SERGEF: variants seen among roughly 807,000 people sequenced by gnomAD.
SERGEF encodes the protein secretion-regulating guanine nucleotide exchange factor.
A neutral mutation model predicts 50.0 loss-of-function variants in SERGEF; 51 were observed. That is an observed-to-expected ratio of 1.02 (90% CI 0.81 to 1.29). The LOEUF is 1.29. Ranked by LOEUF, SERGEF falls within the 50% of genes most tolerant of loss-of-function variation. SERGEF has a pLI of 0.00. For missense variants in SERGEF, 521 were observed against 557.0 expected, an observed-to-expected ratio of 0.94 and a Z score of 0.65; for synonymous variants, 205 against 212.4, an observed-to-expected ratio of 0.97 and a Z score of 0.30.
intron 10 of SERGEF, among the ~76,000 whole-genome samples, chr11:17,805,222 C>T (rs1462455268): frequency 6.6e-6 from 1 of 152,218 alleles, no homozygotes; most frequent in Non-Finnish European, 1.5e-5. Context: ...CTGCCATTAA[C>T]TCAACACGTG....
At chr11:17,966,704 G>A (rs373150075) in intron 8 of SERGEF, among the ~76,000 whole-genome samples, 27 of 152,176 alleles carry the variant, frequency 1.8e-4, no homozygotes, top group East Asian at 3.9e-4. Flanking sequence ...TTCCAAAGTC[G>A]TATCATAAAC....
intron 10 of SERGEF, among the ~76,000 whole-genome samples, chr11:17,872,897 T>A (rs112564728): frequency 7.9e-5 from 12 of 152,178 alleles, no homozygotes; most frequent in African/African-American, 2.9e-4. Flanking sequence ...GAGTATAGTA[T>A]GCTACCATTT....
chr11:17,914,593 A>G (rs1852014113), intron 9 of SERGEF, among the ~76,000 whole-genome samples: 1 of 151,870 alleles, frequency 6.6e-6, no homozygotes, highest in Non-Finnish European at 1.5e-5. Flanking sequence ...TAAGTATTTT[A>G]TTTTATTTTA....
chr11:17,920,701 T>C (rs1325095180), intron 9 of SERGEF, among the ~76,000 whole-genome samples: 1 of 152,180 alleles, frequency 6.6e-6, no homozygotes, highest in African/African-American at 2.4e-5. Context: ...GGGAGGCCAG[T>C]GATGTGAGAT....
rs1176843826 is a variant in SERGEF, at chr11:17,870,190, T to G, written c.1048+8018A>C. On this transcript the variant is annotated intron_variant, in intron 10 of 10. Coordinates refer to ENST00000265965, the MANE Select transcript of SERGEF (RefSeq NM_012139.4). ...CCATGATTGTAAGTTTCCTGACGCCTCCCCAGCCACACTGAACTGTGAGTC... is the reference window on the plus strand; with the variant it reads ...CCATGATTGTAAGTTTCCTGACGCCGCCCCAGCCACACTGAACTGTGAGTC... 9.2e-5 allele frequency among the ~76,000 whole-genome samples: 14 copies of G among 152,284 alleles called. No individual in the cohort carries two copies. The East Asian group carries it at 2.7e-3, about 29-fold the overall frequency.
chr11:17,879,310 A>G (rs1406764007), intron 9 of SERGEF, among the ~76,000 whole-genome samples: 1 of 152,208 alleles, frequency 6.6e-6, no homozygotes, highest in Non-Finnish European at 1.5e-5. Flanking sequence ...ACTAATTAAG[A>G]GGAGCTCTAG....
chr11:17,916,553 A>C (rs1222799090), intron 9 of SERGEF, among the ~76,000 whole-genome samples: 2 of 152,242 alleles, frequency 1.3e-5, no homozygotes, highest in Non-Finnish European at 2.9e-5. Context: ...GGTGATTCTT[A>C]TGAATTGGTT....
In SERGEF at chr11:17,911,601, G is replaced by A. The variant is rs1049930117; in HGVS notation, c.1012-33357C>T. On this transcript the variant is annotated intron_variant, in intron 9 of 10. Transcript: ENST00000265965. ...CTCCCAGGCTCAAGTGATCCTCCCC[G>A]CTCAGCCTCCCAAGTAGTTGGGACT... 2.5e-4 allele frequency among the ~76,000 whole-genome samples: 38 copies of A among 151,416 alleles called. 1 individual carries two copies. The highest frequency in any genetic ancestry group is 1.3e-3 in the South Asian group (6 of 4,788).
intron 8 of SERGEF, among the ~76,000 whole-genome samples, chr11:17,973,788 G>A (rs1853305720): frequency 6.6e-6 from 1 of 152,224 alleles, no homozygotes; most frequent in Non-Finnish European, 1.5e-5. Flanking sequence ...GTGAAACTGA[G>A]CGGTGGACAT....
chr11:18,012,431 C>G (rs1306771087), intron 1 of SERGEF: 2 of 967,966 alleles, frequency 2.1e-6, no homozygotes, highest in South Asian at 7.6e-5. Flanking sequence ...ATGCAAGAAC[C>G]GGTCACAGCA....
chr11:17,804,997 T>G (rs1322045698), intron 10 of SERGEF, among the ~76,000 whole-genome samples: 1 of 152,250 alleles, frequency 6.6e-6, no homozygotes, highest in South Asian at 2.1e-4. Context: ...TGATCATATA[T>G]TACTTTCATA....
At chr11:17,942,621 T>G (rs951043897) in intron 9 of SERGEF, among the ~76,000 whole-genome samples, 1 of 152,164 alleles carries the variant, frequency 6.6e-6, no homozygotes, top group African/African-American at 2.4e-5. Flanking sequence ...TTTATGGCAC[T>G]GGCTAGAACC....
intron 10 of SERGEF, among the ~76,000 whole-genome samples, chr11:17,820,007 A>T (rs1850047885): frequency 6.7e-6 from 1 of 149,280 alleles, no homozygotes; most frequent in African/African-American, 2.5e-5. Flanking sequence ...TTGGCTAATT[A>T]AAAAAAAATT....
rs1036273759 is a variant in SERGEF, at chr11:17,888,683, T to C, written c.1012-10439A>G. ...CACACACACACACACACACACGCAT[T>C]GAGTTAAACCAACATGAAATTGCCC... On this transcript the variant is annotated intron_variant, in intron 9 of 10. Transcript: ENST00000265965. This position sits in a 1 kb window ranked among gnomAD's most constrained non-coding sequence, Gnocchi z 4.1. 7.1e-5 allele frequency among the ~76,000 whole-genome samples: 10 copies of C among 141,154 alleles called. No individual in the cohort carries two copies. Among genetic ancestry groups the C allele is most frequent in the Non-Finnish European group, 1.5e-4 (10 of 65,384 alleles). The allele number at this position is 141,154 out of a possible 152,430, so 92.6% of individuals were successfully genotyped here. A position where few individuals can be genotyped will look rare whatever the true frequency, so the allele number is the denominator to read the frequency against.
chr11:17,954,389 A>G (rs1306568068), intron 9 of SERGEF, among the ~76,000 whole-genome samples: 1 of 152,226 alleles, frequency 6.6e-6, no homozygotes, highest in Non-Finnish European at 1.5e-5. Flanking sequence ...TTCCAGGTTC[A>G]TTAATGGGTT....
chr11:17,860,355 T>C (rs1334475552), intron 10 of SERGEF, among the ~76,000 whole-genome samples: 3 of 152,088 alleles, frequency 2.0e-5, no homozygotes, highest in East Asian at 1.9e-4. Context: ...CTCATAATAA[T>C]AGACTAATGA....
At chr11:17,974,851 T>C (rs1278933617) in intron 8 of SERGEF, among the ~76,000 whole-genome samples, 3 of 152,222 alleles carry the variant, frequency 2.0e-5, no homozygotes, top group Non-Finnish European at 1.5e-5. Flanking sequence ...TTTTAAAGTT[T>C]TAGCATTCTA....
chr11:17,906,827 A>AAC (rs10651026), intron 9 of SERGEF, among the ~76,000 whole-genome samples: 1 of 14,824 alleles, frequency 6.7e-5, no homozygotes, highest in Admixed American at 4.1e-4. Flanking sequence ...ATCAAATAAG[A>AAC]AAAAAAAAAA....
chr11:17,985,650 G>A (rs1195313755), intron 8 of SERGEF, among the ~76,000 whole-genome samples: 1 of 152,152 alleles, frequency 6.6e-6, no homozygotes, highest in Admixed American at 6.5e-5. Flanking sequence ...AGGTTCTCTT[G>A]GACTCTTTCC....
Sources: gnomAD v4.1 joint callset for allele counts (sites outside exome capture counted in the v4.1 genomes callset) on GRCh38, gnomAD v4.1.1 for gene constraint, Gnocchi (gnomAD v3.1) non-coding constraint, MANE v1.5 for transcripts, NCBI Gene and HGNC (gene_info 2026-07-23, HGNC 2026-07-21) for gene names.